CSMD1: variants seen among roughly 807,000 people sequenced by gnomAD.
The protein encoded by CSMD1 is CUB and sushi domain-containing protein 1.
Under a neutral mutation model 417.5 loss-of-function variants are expected in CSMD1, and 213 were observed. The observed-to-expected ratio is 0.51, with a 90% confidence interval of 0.46 to 0.57. The LOEUF (loss-of-function observed/expected upper bound fraction) is 0.57. Ranked by LOEUF, CSMD1 falls within the 20% of genes least tolerant of loss-of-function variation. The pLI is 0.00. For missense variants in CSMD1, 6,923 were observed against 4,529.7 expected, an observed-to-expected ratio of 1.53 and a Z score of -15.17; for synonymous variants, 2,862 against 1,736.8, an observed-to-expected ratio of 1.65 and a Z score of -16.11.
intron 2 of CSMD1, among the ~76,000 whole-genome samples, chr8:4,565,523 T>A (rs56281620): frequency 6.6e-6 from 1 of 151,840 alleles, no homozygotes; most frequent in Non-Finnish European, 1.5e-5. Context: ...GATCACAAGG[T>A]CAGGTGTTTG....
intron 5 of CSMD1, among the ~76,000 whole-genome samples, chr8:3,770,506 G>C (rs143625069): frequency 0.013 from 1,914 of 152,186 alleles, 15 homozygotes; most frequent in South Asian, 0.025. Context: ...CCCAGCCTGG[G>C]CAACAAAGTG....
chr8:3,421,664 G>A (rs1245880978), intron 12 of CSMD1, among the ~76,000 whole-genome samples: 1 of 152,034 alleles, frequency 6.6e-6, no homozygotes, highest in Non-Finnish European at 1.5e-5. Flanking sequence ...TTGAGACAGT[G>A]TCTTGCTCTG....
At chr8:4,672,788 ATACT>A (rs747029920) in intron 1 of CSMD1, among the ~76,000 whole-genome samples, 1 of 152,102 alleles carries the variant, frequency 6.6e-6, no homozygotes, top group Non-Finnish European at 1.5e-5. Flanking sequence ...CATGACACAC[ATACT>A]TACACTCACA....
At chr8:3,832,010 T>G (rs114475014) in intron 5 of CSMD1, among the ~76,000 whole-genome samples, 3 of 152,322 alleles carry the variant, frequency 2.0e-5, no homozygotes, top group African/African-American at 7.2e-5. Context: ...GGTAAATTTT[T>G]AAAAATCTCT....
chr8:4,495,796 A>C (rs1219018451), intron 2 of CSMD1, among the ~76,000 whole-genome samples: 3 of 152,202 alleles, frequency 2.0e-5, no homozygotes, highest in Non-Finnish European at 4.4e-5. Flanking sequence ...TTAATAGCCC[A>C]TTCTAGCTAA....
chr8:3,239,747 A>G (rs952784052), intron 26 of CSMD1, among the ~76,000 whole-genome samples: 1 of 152,222 alleles, frequency 6.6e-6, no homozygotes, highest in Non-Finnish European at 1.5e-5. Flanking sequence ...GGCCTGGTGG[A>G]ACTGCCCTCA....
chr8:4,777,023 TA>T (rs1223922206), intron 1 of CSMD1, among the ~76,000 whole-genome samples: 1 of 152,196 alleles, frequency 6.6e-6, no homozygotes, highest in Non-Finnish European at 1.5e-5. Context: ...TTCTATCTAG[TA>T]AAGTTCGGTG....
At chr8:3,132,848 C>T (rs1287438394) in intron 41 of CSMD1, among the ~76,000 whole-genome samples, 1 of 152,144 alleles carries the variant, frequency 6.6e-6, no homozygotes, top group African/African-American at 2.4e-5. Flanking sequence ...CAACTTCTTG[C>T]CCTTTAATCC....
At chr8:4,089,761 G>A (rs1163699412) in intron 3 of CSMD1, among the ~76,000 whole-genome samples, 1 of 152,048 alleles carries the variant, frequency 6.6e-6, no homozygotes, top group Admixed American at 6.6e-5. Flanking sequence ...TTAGTTTGGG[G>A]GTATTTTTGT....
chr8:4,953,164 C>T (rs2117293358), intron 1 of CSMD1, among the ~76,000 whole-genome samples: 1 of 152,236 alleles, frequency 6.6e-6, no homozygotes, highest in South Asian at 2.1e-4. Context: ...GTAGAAGATA[C>T]ACTCAAAGTA....
rs1226732333 is a variant in CSMD1 at position 4,398,606 on chromosome 8, A to G, written c.415+21347T>C. Among the ~76,000 whole-genome samples the G allele has an allele frequency of 5.9e-5, 9 of 151,970 alleles. 1 individual carries two copies. Among genetic ancestry groups the G allele is most frequent in the Non-Finnish European group, 1.3e-4 (9 of 67,984 alleles). On this transcript the variant is annotated intron_variant, in intron 3 of 69. Transcript: ENST00000635120. ...GAGACGGGGTTTCACCGTGTTAGCCAGGATTGTCTCGATCTCCTGACCTCC... is the reference window on the plus strand; with the variant it reads ...GAGACGGGGTTTCACCGTGTTAGCCGGGATTGTCTCGATCTCCTGACCTCC...
chr8:4,727,795 T>C (rs1037500300), intron 1 of CSMD1, among the ~76,000 whole-genome samples: 1 of 151,550 alleles, frequency 6.6e-6, no homozygotes, highest in Non-Finnish European at 1.5e-5. Context: ...AAATTTGGAA[T>C]ATATATGTTT....
chr8:3,144,840 G>C (rs927927166), intron 40 of CSMD1, among the ~76,000 whole-genome samples: 1 of 142,554 alleles, frequency 7.0e-6, no homozygotes, highest in Non-Finnish European at 1.5e-5. Context: ...GGAGGGAGGG[G>C]GTCCAGGGGC....
chr8:4,936,223 T>A (rs1020817165), intron 1 of CSMD1, among the ~76,000 whole-genome samples: 4 of 152,206 alleles, frequency 2.6e-5, no homozygotes, highest in African/African-American at 9.6e-5. Flanking sequence ...TAAAGATTAG[T>A]TAAAATGTGC....
intron 2 of CSMD1, among the ~76,000 whole-genome samples, chr8:4,555,931 A>C (rs950463068): frequency 2.6e-4 from 39 of 152,266 alleles, no homozygotes; most frequent in African/African-American, 9.1e-4. Flanking sequence ...GAAACTTTTC[A>C]ACAGTTCCTT....
intron 10 of CSMD1, among the ~76,000 whole-genome samples, chr8:3,499,490 A>G (rs1796504253): frequency 6.6e-6 from 1 of 152,104 alleles, no homozygotes; most frequent in Non-Finnish European, 1.5e-5. Context: ...CAGCAACTCC[A>G]CTGCTTGGAG....
intron 10 of CSMD1, among the ~76,000 whole-genome samples, chr8:3,530,588 C>G (rs1797935112): frequency 6.6e-6 from 1 of 152,172 alleles, no homozygotes; most frequent in Admixed American, 6.5e-5. Context: ...GGGGTGTGAG[C>G]TAGGCTCACA....
Position 3,189,276 on chromosome 8 carries a change from A to G in CSMD1, c.5399-265T>C, listed in dbSNP as rs1368332335. Among the ~76,000 whole-genome samples the G allele has an allele frequency of 2.6e-5, 4 of 152,358 alleles. 1 individual carries two copies. Among genetic ancestry groups the G allele is most frequent in the East Asian group, 1.9e-4 (1 of 5,192 alleles). ...GTTCTCTAAGAAGGGATGATGTCCA[A>G]TGATGGCATCTCCAAAGTGAATTCT... is the stretch of plus-strand genomic sequence containing the variant. On this transcript the variant is annotated intron_variant, in intron 34 of 69. Coordinates refer to ENST00000635120, the MANE Select transcript of CSMD1 (RefSeq NM_033225.6).
At chr8:3,925,445 C>G (rs1421251964) in intron 5 of CSMD1, among the ~76,000 whole-genome samples, 1 of 151,944 alleles carries the variant, frequency 6.6e-6, no homozygotes. Context: ...ACAGTTAAAC[C>G]TGAAATACAG....
Sources: gnomAD v4.1 joint callset for allele counts (sites outside exome capture counted in the v4.1 genomes callset) on GRCh38, gnomAD v4.1.1 for gene constraint, MANE v1.5 for transcripts, NCBI Gene and HGNC (gene_info 2026-07-23, HGNC 2026-07-21) for gene names.